Variants in RAB22A observed in about 807,000 individuals in gnomAD.
The protein encoded by RAB22A is RAB22A, member RAS oncogene family, also known as ras-related protein Rab-22A.
In RAB22A, 13 loss-of-function variants were observed where a neutral mutation model predicts 30.2. The ratio of observed to expected loss-of-function variants is 0.43; its 90% CI spans 0.28 to 0.68. RAB22A has a LOEUF of 0.68. Ranked by LOEUF, RAB22A falls within the 30% of genes least tolerant of loss-of-function variation. The pLI, the probability that RAB22A is intolerant of heterozygous loss-of-function variation, is 0.18. For missense variants in RAB22A, 177 were observed against 246.8 expected (o/e 0.72, Z 1.89); for synonymous variants, 89 against 87.2 (o/e 1.02, Z -0.11).
In RAB22A at chr20:58,362,626, T is replaced by A. The variant is rs907383918; in HGVS notation, c.*2923T>A. 25 of 152,236 alleles carry A rather than the reference T, an allele frequency of 1.6e-4. No individual in the cohort carries two copies. The highest frequency in any genetic ancestry group is 5.8e-4 in the African/African-American group (24 of 41,454). The allele number at this position is 152,236 out of a possible 1,614,324, so 9.4% of individuals were successfully genotyped here. On this transcript the variant is annotated 3_prime_UTR_variant, in exon 7 of 7. Coordinates refer to ENST00000244040, the MANE Select transcript of RAB22A (RefSeq NM_020673.3). ...ACTCTCACACAAGTGTTTTTCTGATTCTATGATAACTAATTAACCATCATC... is the reference window on the plus strand; with the variant it reads ...ACTCTCACACAAGTGTTTTTCTGATACTATGATAACTAATTAACCATCATC...
rs572399789 is a variant in RAB22A, at chr20:58,323,805, G to C, written c.116+12683G>C. On this transcript the variant is annotated intron_variant, in intron 2 of 6. Coordinates refer to ENST00000244040, the MANE Select transcript of RAB22A (RefSeq NM_020673.3). ...CTTTATTTTGTTTGCTGGGATCTTT[G>C]ATTTTTTTTTTAACATAATGTTGAC... is the stretch of plus-strand genomic sequence containing the variant. 6.7e-5 allele frequency among the ~76,000 whole-genome samples: 10 copies of C among 150,106 alleles called. No homozygotes were observed. In the South Asian group the frequency reaches 2.1e-3, roughly 31 times the overall value.
intron 2 of RAB22A, among the ~76,000 whole-genome samples, chr20:58,329,093 A>G (rs1315140516): frequency 7.1e-6 from 1 of 140,776 alleles, no homozygotes; most frequent in Non-Finnish European, 1.5e-5. Context: ...TCATTCTGTC[A>G]CCCAGGCTGG....
intron 2 of RAB22A, among the ~76,000 whole-genome samples, chr20:58,321,000 G>A (rs958866911): frequency 1.3e-5 from 2 of 151,972 alleles, no homozygotes; most frequent in Non-Finnish European, 2.9e-5. Context: ...GACCATCCTG[G>A]CCAACATGGT....
At chr20:58,313,046 CTGA>C (rs1369864859) in intron 2 of RAB22A, among the ~76,000 whole-genome samples, 4 of 152,140 alleles carry the variant, frequency 2.6e-5, no homozygotes, top group African/African-American at 7.2e-5. Flanking sequence ...TGAGTCAGAG[CTGA>C]AAACCTAAAA....
intron 2 of RAB22A, among the ~76,000 whole-genome samples, chr20:58,330,979 A>G (rs1210607105): frequency 2.0e-5 from 3 of 151,950 alleles, no homozygotes; most frequent in African/African-American, 7.3e-5. Context: ...TCCCCTCTCT[A>G]TTTCCAGCCA....
rs200598290 is a variant in RAB22A at position 58,311,167 on chromosome 20, T to C, written c.116+45T>C. 698 of 1,490,084 alleles carry C rather than the reference T, an allele frequency of 4.7e-4. 2 individuals carry two copies. Among genetic ancestry groups the C allele is most frequent in the Non-Finnish European group, 6.4e-4 (682 of 1,067,126 alleles). 92.3% of individuals were successfully genotyped at this position (1,490,084 alleles called of 1,614,324 possible). On this transcript the variant is annotated intron_variant, in intron 2 of 6. Coordinates refer to ENST00000244040, the MANE Select transcript of RAB22A (RefSeq NM_020673.3). ...TACACATCTAAAGGTGCATTGAAAA[T>C]CCTTCCAAATACATAGTGTGTTACA...
rs115507903 is a variant in RAB22A, at chr20:58,352,296, A to G, written c.199-977A>G. Among the ~76,000 whole-genome samples the G allele has an allele frequency of 3.4e-3, 516 of 152,312 alleles. 1 individual carries two copies. Among genetic ancestry groups the G allele is most frequent in the African/African-American group, 0.012 (497 of 41,596 alleles). ...CCATAGTTCTGTATGTGGTTTATGT[A>G]TGTGCACCAAATGCTCCCCTGTGAT... On this transcript the variant is annotated intron_variant, in intron 3 of 6. Transcript: ENST00000244040.
chr20:58,329,944 C>T (rs1360072332), intron 2 of RAB22A, among the ~76,000 whole-genome samples: 1 of 152,162 alleles, frequency 6.6e-6, no homozygotes, highest in African/African-American at 2.4e-5. Flanking sequence ...TTGAAAGTAT[C>T]TGGGGGGGAA....
chr20:58,344,355 TG>T (rs34501171), intron 3 of RAB22A, among the ~76,000 whole-genome samples: 8 of 152,238 alleles, frequency 5.3e-5, no homozygotes, highest in Non-Finnish European at 7.4e-5. Flanking sequence ...CATGGCAGCA[TG>T]GGGTCTAATG....
intron 3 of RAB22A, among the ~76,000 whole-genome samples, chr20:58,349,364 T>G (rs1455232940): frequency 2.0e-5 from 3 of 152,108 alleles, no homozygotes; most frequent in African/African-American, 7.2e-5. Context: ...TTGTGTTGAG[T>G]GCAGAGTTTA....
chr20:58,329,006 G>T (rs1419898481), intron 2 of RAB22A, among the ~76,000 whole-genome samples: 1 of 151,590 alleles, frequency 6.6e-6, no homozygotes, highest in Non-Finnish European at 1.5e-5. Flanking sequence ...CTGGTGACAA[G>T]ATCGCCTCGG....
At chr20:58,343,126 C>T (rs556156380) in intron 2 of RAB22A, among the ~76,000 whole-genome samples, 2 of 152,222 alleles carry the variant, frequency 1.3e-5, no homozygotes, top group East Asian at 1.9e-4. Flanking sequence ...CTGAGAAACC[C>T]GTTTTGTCGA....
At chr20:58,311,765 T>C (rs578136275) in intron 2 of RAB22A, among the ~76,000 whole-genome samples, 7 of 152,332 alleles carry the variant, frequency 4.6e-5, no homozygotes, top group African/African-American at 1.7e-4. Context: ...TGCTCTAGTT[T>C]TAATCATCAA....
At chr20:58,348,621 A>G (rs1410792176) in intron 3 of RAB22A, among the ~76,000 whole-genome samples, 12 of 152,206 alleles carry the variant, frequency 7.9e-5, no homozygotes, top group Non-Finnish European at 4.4e-5. Flanking sequence ...TTTTTGGGCC[A>G]CATCCAACCT....
intron 5 of RAB22A, 26 bp downstream of exon 5, chr20:58,353,564 A>G (rs749627774): frequency 3.3e-6 from 5 of 1,493,522 alleles, no homozygotes; most frequent in Admixed American, 3.4e-5. Context: ...GAGAGATTAC[A>G]ATACCTATTA....
At chr20:58,340,680 G>A (rs1235712982) in intron 2 of RAB22A, among the ~76,000 whole-genome samples, 1 of 152,174 alleles carries the variant, frequency 6.6e-6, no homozygotes, top group Non-Finnish European at 1.5e-5. Context: ...TCATGGGTAA[G>A]TCAGACATTG....
intron 2 of RAB22A, among the ~76,000 whole-genome samples, chr20:58,340,123 T>C (rs1460160471): frequency 6.6e-6 from 1 of 152,156 alleles, no homozygotes; most frequent in Non-Finnish European, 1.5e-5. Context: ...ACTTGAGCTG[T>C]GACGTGGGGT....
At chr20:58,339,891 T>C (rs1380364742) in intron 2 of RAB22A, among the ~76,000 whole-genome samples, 1 of 152,166 alleles carries the variant, frequency 6.6e-6, no homozygotes, top group African/African-American at 2.4e-5. Flanking sequence ...TGAGTCCTGC[T>C]CCTGCAGGAC....
intron 3 of RAB22A, among the ~76,000 whole-genome samples, chr20:58,351,286 A>G (rs1987044206): frequency 6.6e-6 from 1 of 151,996 alleles, no homozygotes; most frequent in African/African-American, 2.4e-5. Flanking sequence ...CAGTGAGCCA[A>G]GAACACACCA....
Sources: allele counts gnomAD v4.1 joint callset (sites outside exome capture counted in the v4.1 genomes callset), GRCh38; gene constraint gnomAD v4.1.1; transcripts MANE v1.5; gene names NCBI Gene and HGNC (gene_info 2026-07-23, HGNC 2026-07-21).